GRIN3A: variants seen among roughly 807,000 people sequenced by gnomAD.
GRIN3A encodes glutamate ionotropic receptor NMDA type subunit 3A, also known as glutamate receptor ionotropic, NMDA 3A.
Under a neutral mutation model 92.4 loss-of-function variants are expected in GRIN3A, and 47 were observed. The observed-to-expected ratio is 0.51, with a 90% CI of 0.40 to 0.65. The LOEUF (loss-of-function observed/expected upper bound fraction) is 0.65. Ranked by LOEUF, GRIN3A falls within the 30% of genes least tolerant of loss-of-function variation. The pLI is 0.00. For missense variants in GRIN3A, 1,324 were observed against 1,393.1 expected (o/e 0.95, Z 0.79); for synonymous variants, 527 against 540.6 (o/e 0.97, Z 0.35).
At chr9:101,625,215 A>C (rs72745357) in intron 4 of GRIN3A, among the ~76,000 whole-genome samples, 2,723 of 152,208 alleles carry the variant, frequency 0.018, 38 homozygotes, top group Admixed American at 0.027. Flanking sequence ...TTTGAAAAAA[A>C]AGAAAGGATT....
chr9:101,674,317 C>A (rs952567035), intron 2 of GRIN3A, among the ~76,000 whole-genome samples: 1 of 152,020 alleles, frequency 6.6e-6, no homozygotes, highest in Non-Finnish European at 1.5e-5. Flanking sequence ...GGGGACTGAA[C>A]ATAAGTCCAC....
chr9:101,610,299 A>T (rs1374321247), intron 6 of GRIN3A, among the ~76,000 whole-genome samples: 1 of 152,208 alleles, frequency 6.6e-6, no homozygotes, highest in Admixed American at 6.5e-5. Context: ...CTAGCTCCCT[A>T]AGTCCCCATT....
intron 3 of GRIN3A, among the ~76,000 whole-genome samples, chr9:101,646,535 T>C (rs1828940576): frequency 6.6e-6 from 1 of 151,968 alleles, no homozygotes; most frequent in Non-Finnish European, 1.5e-5. Context: ...TTTAGAATTG[T>C]TTTCTCTATT....
At chr9:101,655,705 G>C (rs1829078656) in intron 3 of GRIN3A, among the ~76,000 whole-genome samples, 1 of 151,932 alleles carries the variant, frequency 6.6e-6, no homozygotes, top group South Asian at 2.1e-4. Context: ...TGCATTTTCT[G>C]CTTCACAAAG....
chr9:101,670,792 G>C lies in GRIN3A; in HGVS notation c.1620C>G (p.Gly540=). The C allele has an allele frequency of 6.2e-7, 1 of 1,614,052 alleles. No homozygotes were observed. Among genetic ancestry groups the C allele is most frequent in the Non-Finnish European group, 8.5e-7 (1 of 1,179,972 alleles). ...TAGTCATGGGGTCTAGACAGAGTTGGCCAGCAGGGCACAAGCCTTCATCAT... is the reference window on the plus strand; with the variant it reads ...TAGTCATGGGGTCTAGACAGAGTTGCCCAGCAGGGCACAAGCCTTCATCAT... ...EVDDEGLCPA[G]QLCLDPMTND... is the part of the protein sequence containing the mutation. Residue 540 remains glycine, a synonymous_variant, in exon 3 of 9, where the codon GGC becomes GGG. Coordinates refer to ENST00000361820, the MANE Select transcript of GRIN3A (RefSeq NM_133445.3).
chr9:101,702,953 C>G (rs1829773182), intron 1 of GRIN3A, among the ~76,000 whole-genome samples: 1 of 152,070 alleles, frequency 6.6e-6, no homozygotes, highest in African/African-American at 2.4e-5. Flanking sequence ...AAAATATATC[C>G]TGAATTCAAT....
At chr9:101,574,095 A>G (rs1488496177) in intron 8 of GRIN3A, among the ~76,000 whole-genome samples, 2 of 152,102 alleles carry the variant, frequency 1.3e-5, no homozygotes, top group African/African-American at 4.8e-5. Context: ...TGAGTTGAGA[A>G]TGACAGGTCA....
intron 5 of GRIN3A, among the ~76,000 whole-genome samples, chr9:101,617,273 G>T (rs1315775816): frequency 6.8e-6 from 1 of 147,828 alleles, no homozygotes; most frequent in African/African-American, 2.5e-5. Context: ...GAGGATGAAA[G>T]ATGGCATCTT....
chr9:101,715,200 T>TAAAAAAAAAAAAAAAA (rs5899459), intron 1 of GRIN3A, among the ~76,000 whole-genome samples: 4 of 127,686 alleles, frequency 3.1e-5, no homozygotes, highest in Non-Finnish European at 3.2e-5. Flanking sequence ...ACAAAAATGG[T>TAAAAAAAAAAAAAAAA]AAAAAAAAAA....
chr9:101,736,708 G>T (rs1588303756), intron 1 of GRIN3A, among the ~76,000 whole-genome samples: 1 of 152,130 alleles, frequency 6.6e-6, no homozygotes, highest in South Asian at 2.1e-4. Context: ...TATGGCTTCT[G>T]TACTAGGTGC....
At chr9:101,609,250 T>C (rs1003958877) in intron 6 of GRIN3A, among the ~76,000 whole-genome samples, 1 of 152,162 alleles carries the variant, frequency 6.6e-6, no homozygotes, top group Non-Finnish European at 1.5e-5. Context: ...GGAAATCTAA[T>C]GGAGGGTTTC....
intron 4 of GRIN3A, among the ~76,000 whole-genome samples, 166 bp from the exon 5 acceptor site, chr9:101,623,599 C>A (rs1588254125): frequency 6.6e-6 from 1 of 152,192 alleles, no homozygotes; most frequent in Non-Finnish European, 1.5e-5. Context: ...GATGTCTAGA[C>A]TACAGACCAG....
At chr9:101,588,088 G>A (rs1827970984) in intron 6 of GRIN3A, among the ~76,000 whole-genome samples, 1 of 152,176 alleles carries the variant, frequency 6.6e-6, no homozygotes, top group South Asian at 2.1e-4. Context: ...ATGTACCAAA[G>A]ACAGAGTTTC....
At chr9:101,685,966 A>G (rs1165385000) in intron 2 of GRIN3A, among the ~76,000 whole-genome samples, 1 of 152,092 alleles carries the variant, frequency 6.6e-6, no homozygotes, top group Admixed American at 6.6e-5. Context: ...AAGTCACTCA[A>G]GTAGTAAGTG....
intron 6 of GRIN3A, among the ~76,000 whole-genome samples, chr9:101,604,853 A>C (rs1828257629): frequency 6.6e-6 from 1 of 152,232 alleles, no homozygotes; most frequent in African/African-American, 2.4e-5. Flanking sequence ...TTTGGCTTTC[A>C]ATGTATAGTT....
intron 2 of GRIN3A, among the ~76,000 whole-genome samples, chr9:101,678,551 A>G (rs951726507): frequency 6.6e-6 from 1 of 152,194 alleles, no homozygotes; most frequent in African/African-American, 2.4e-5. Flanking sequence ...TATATTAAAC[A>G]TATATGTACA....
intron 8 of GRIN3A, among the ~76,000 whole-genome samples, chr9:101,574,984 C>T (rs1286148695): frequency 6.6e-6 from 1 of 152,178 alleles, no homozygotes; most frequent in Non-Finnish European, 1.5e-5. Flanking sequence ...ATGAGCAAAC[C>T]CAGCCAAATT....
At chr9:101,620,967 A>T (rs1186316176) in intron 5 of GRIN3A, among the ~76,000 whole-genome samples, 4 of 152,132 alleles carry the variant, frequency 2.6e-5, no homozygotes, top group Non-Finnish European at 5.9e-5. Flanking sequence ...ATAACATTTA[A>T]GTTTCTTGAA....
intron 5 of GRIN3A, among the ~76,000 whole-genome samples, chr9:101,622,249 A>T (rs760913982): frequency 1.3e-5 from 2 of 152,232 alleles, no homozygotes; most frequent in Non-Finnish European, 2.9e-5. Context: ...GGAAATTGAA[A>T]TCAGAATAGT....
Sources: allele counts gnomAD v4.1 joint callset (sites outside exome capture counted in the v4.1 genomes callset), GRCh38; gene constraint gnomAD v4.1.1; transcripts MANE v1.5; gene names NCBI Gene and HGNC (gene_info 2026-07-23, HGNC 2026-07-21).